The following PIGT variants were observed in gnomAD, a reference collection of about 807,000 sequenced individuals.
PIGT encodes the protein phosphatidylinositol glycan anchor biosynthesis class T, also known as GPI-anchor transamidase component PIGT.
PIGT carries 57 observed loss-of-function variants against 66.7 expected under a neutral mutation model. That is an observed-to-expected ratio of 0.86 (90% CI 0.69 to 1.07). The LOEUF is 1.07. PIGT is among the 50% of genes least tolerant of loss of function. The probability of loss-of-function intolerance (pLI) is 0.00; values close to 1 mark genes in which losing one functional copy is unlikely to be tolerated. For missense variants in PIGT, 725 were observed against 740.4 expected, an observed-to-expected ratio of 0.98 and a Z score of 0.24; for synonymous variants, 362 against 320.5, an observed-to-expected ratio of 1.13 and a Z score of -1.38.
At position 45,425,649 on chromosome 20, in the gene PIGT, G is replaced by T. The variant is rs566450064; in HGVS notation, c.1560G>T (p.Pro520=). 1 of 1,614,072 alleles carries T rather than the reference G, an allele frequency of 6.2e-7. No homozygotes were observed. The highest frequency in any genetic ancestry group is 1.1e-5 in the South Asian group (1 of 91,080). The change falls in exon 12 of 12, where the codon CCG becomes CCT. Residue 520 remains proline (P), a synonymous_variant. Coordinates refer to ENST00000279036, the MANE Select transcript of PIGT (RefSeq NM_015937.6). ...TEPLLVNLPT[P]DFSMPYNVIC... ...CGCTGCTGGTGAACCTGCCGACACC[G>T]GACTTCAGCATGCCCTACAACGTGA...
Position 45,425,972 on chromosome 20 carries a change from T to A in PIGT, c.*146T>A. 1 of 850,176 alleles carries A rather than the reference T, an allele frequency of 1.2e-6. No individual in the cohort carries two copies. The highest frequency in any genetic ancestry group is 1.8e-6 in the Non-Finnish European group (1 of 563,850). 52.7% of individuals were successfully genotyped at this position (850,176 alleles called of 1,614,324 possible). On this transcript the variant is annotated 3_prime_UTR_variant, in exon 12 of 12. Transcript: ENST00000279036. ...CAGGGCCTACAGCTGTGTTGTCCAGTACAGGAGCCACGAGCCAAATGTGGC... is the reference window on the plus strand; with the variant it reads ...CAGGGCCTACAGCTGTGTTGTCCAGAACAGGAGCCACGAGCCAAATGTGGC...
intron 8 of PIGT, 157 bp downstream of exon 8, chr20:45,420,850 G>C (rs1035622411): frequency 4.1e-6 from 3 of 736,240 alleles, no homozygotes; most frequent in Non-Finnish European, 4.5e-6. Context: ...TACGATTTTG[G>C]GTAGGTTCCT....
rs1990356040 is a variant in PIGT, at chr20:45,421,408, T to C, written c.1059T>C (p.His353=). The C allele has an allele frequency of 6.2e-7, 1 of 1,613,934 alleles. No homozygotes were observed. The highest frequency in any genetic ancestry group is 1.3e-5 in the African/African-American group (1 of 74,928). ...ENEAPPVPFL[H]AQRYVSGYGL... ...AGGCCCCCCCAGTGCCCTTCCTGCA[T>C]GCCCAGCGGTACGTGAGTGGCTATG... Residue 353 remains histidine (H), a synonymous_variant, in exon 9 of 12, where the codon CAT becomes CAC. Transcript: ENST00000279036.
rs368805031 is a variant in PIGT, at chr20:45,424,345, A to C, written c.1364A>C (p.Glu455Ala). The change falls in exon 10 of 12, where the codon GAG (glutamate) becomes GCG (alanine). Residue 455 changes from glutamate (E) to alanine (A), a missense_variant. Glu to Ala is a moderately radical substitution (Grantham distance 107, BLOSUM62 -1). This residue lies in a region of PIGT where 162 missense variants were observed against 171.1 expected (regional missense o/e 0.95). Transcript: ENST00000279036. ...GAGCGGGCGCTGCTGAAGTGGACCG[A>C]GTACACGCCAGATCCTAACCATGGC... Reference protein sequence around the residue: ...QFERALLKWTEYTPDPNHGFY... With the variant: ...QFERALLKWTAYTPDPNHGFY... The C allele has an allele frequency of 3.7e-6, 6 of 1,614,178 alleles. No homozygotes were observed. The highest frequency in any genetic ancestry group is 4.2e-6 in the Non-Finnish European group (5 of 1,180,028).
At position 45,416,323 on chromosome 20, in the gene PIGT, C is replaced by G. The variant is rs745993015; in HGVS notation, c.167C>G (p.Ser56Trp). 6.3e-7 allele frequency: 1 copy of G among 1,591,108 alleles called. No individual in the cohort carries two copies. The highest frequency in any genetic ancestry group is 8.6e-7 in the Non-Finnish European group (1 of 1,166,584). The change falls in exon 1 of 12, where the codon TCG becomes TGG. Residue 56 changes from serine (S) to tryptophan (W), a missense_variant. By Grantham distance (177) the Ser-to-Trp change is radical (BLOSUM62 -3). Around this residue, in one of 3 missense-constraint regions of PIGT, gnomAD observed 559 missense variants for 552.7 expected, o/e 1.01. Coordinates refer to ENST00000279036, the MANE Select transcript of PIGT (RefSeq NM_015937.6). ...ATFQFRTRWD[S>W]ELQREGVSHY... Reference sequence around the variant, plus strand: ...TTCCAGTTCCGCACGCGCTGGGATTCGGAGCTTCAGCGGGAAGGAGGTGAG... The same window carrying G: ...TTCCAGTTCCGCACGCGCTGGGATTGGGAGCTTCAGCGGGAAGGAGGTGAG...
Position 45,425,758 on chromosome 20 carries a change from C to A in PIGT, c.1669C>A (p.Arg557Ser). 1 of 1,614,058 alleles carries A rather than the reference C, an allele frequency of 6.2e-7. No individual in the cohort carries two copies. Among genetic ancestry groups the A allele is most frequent in the South Asian group, 1.1e-5 (1 of 91,082 alleles). ...CCGAACCTTCCACATCGAGGAGCCCCGCACAGGTGGCCTGGCCAAGCGGCT... is the reference window on the plus strand; with the variant it reads ...CCGAACCTTCCACATCGAGGAGCCCAGCACAGGTGGCCTGGCCAAGCGGCT... ...LTRTFHIEEP[R>S]TGGLAKRLAN... Residue 557 changes from arginine (R) to serine (S), a missense_variant, in exon 12 of 12, where the codon CGC (arginine) becomes AGC (serine). This residue lies in a region of PIGT where 162 missense variants were observed against 171.1 expected (regional missense o/e 0.95). Coordinates refer to ENST00000279036, the MANE Select transcript of PIGT (RefSeq NM_015937.6).
chr20:45,416,562 C>T lies in PIGT; in HGVS notation c.233C>T (p.Ser78Phe). ...LFPKALGQLI[S>F]KYSLRELHLS... ...CCCAAAGCCCTGGGGCAGCTGATCT[C>T]CAAGTATTCTCTACGGGAGCTGCAC... The change falls in exon 2 of 12, where the codon TCC becomes TTC. Residue 78 changes from serine to phenylalanine, a missense_variant. Ser to Phe is a radical substitution (Grantham distance 155). Transcript: ENST00000279036. The T allele has an allele frequency of 6.2e-7, 1 of 1,614,202 alleles. No individual in the cohort carries two copies. Among genetic ancestry groups the T allele is most frequent in the Non-Finnish European group, 8.5e-7 (1 of 1,180,022 alleles).
At chr20:45,421,140 T>C (rs187415924) in intron 8 of PIGT, 9 of 562,160 alleles carry the variant, frequency 1.6e-5, no homozygotes, top group South Asian at 9.0e-5. Flanking sequence ...AGGACCTGGA[T>C]TGGGTTCGAA....
chr20:45,419,485 C>T lies in PIGT; in HGVS notation c.595-19C>T. 1 of 1,614,042 alleles carries T rather than the reference C, an allele frequency of 6.2e-7. No individual in the cohort carries two copies. The highest frequency in any genetic ancestry group is 8.5e-7 in the Non-Finnish European group (1 of 1,179,878). Reference sequence around the variant, plus strand: ...GTGCTCCATACAGGGCTTCTCTTATCTCTTTCCATCTCCTCCAGGCAGGCC... The same window carrying T: ...GTGCTCCATACAGGGCTTCTCTTATTTCTTTCCATCTCCTCCAGGCAGGCC... On this transcript the variant is annotated intron_variant, in intron 4 of 11. Transcript: ENST00000279036.
intron 2 of PIGT, 129 bp downstream of exon 2, chr20:45,416,823 A>C: frequency 1.3e-6 from 1 of 790,358 alleles, no homozygotes; most frequent in South Asian, 2.2e-5. Context: ...TAGAGCTGGC[A>C]TTGGAAGTAA....
At chr20:45,423,840 T>G (rs981842660) in intron 9 of PIGT, 29 of 247,316 alleles carry the variant, frequency 1.2e-4, no homozygotes, top group Non-Finnish European at 1.9e-4. Flanking sequence ...TGTGTGTTGG[T>G]GGTTAGATTT....
chr20:45,419,622 C>A, intron 5 of PIGT, 32 bp downstream of exon 5: 3 of 1,469,916 alleles, frequency 2.0e-6, no homozygotes, highest in Non-Finnish European at 2.9e-6. Flanking sequence ...AAGCTGCCAT[C>A]CAGGGGCTCA....
chr20:45,420,428 A>G lies in PIGT; in HGVS notation c.866A>G (p.Gln289Arg), dbSNP rs756126000. Residue 289 changes from glutamine to arginine, a missense_variant and splice_region_variant, in exon 7 of 12, where the codon CAG becomes CGG. Transcript: ENST00000279036. ...TATGTGGACATCACCACCTACAACCAGGTAACAAGGTCTCCAGCCACACAC... is the reference window on the plus strand; with the variant it reads ...TATGTGGACATCACCACCTACAACCGGGTAACAAGGTCTCCAGCCACACAC... The part of the protein sequence containing the change: ...RVYVDITTYN[Q>R]DNETLEVHPP... The G allele has an allele frequency of 1.2e-6, 2 of 1,612,830 alleles. No individual in the cohort carries two copies. The highest frequency in any genetic ancestry group is 2.2e-5 in the East Asian group (1 of 44,806).
At chr20:45,421,884 T>C (rs1027824608) in intron 9 of PIGT, 1 of 339,180 alleles carries the variant, frequency 2.9e-6, no homozygotes, top group Non-Finnish European at 5.5e-6. Context: ...TTGGGTTTTG[T>C]GATGATTCAT....
At chr20:45,424,118 A>T in intron 9 of PIGT, 98 bp from the exon 10 acceptor site, 2 of 1,115,888 alleles carry the variant, frequency 1.8e-6, no homozygotes, top group Non-Finnish European at 2.7e-6. Flanking sequence ...CCCATCTTCT[A>T]GGCACCCAGA....
Position 45,424,348 on chromosome 20 carries a change from A to G in PIGT, c.1367A>G (p.Tyr456Cys), listed in dbSNP as rs1353674474. 1 of 1,614,192 alleles carries G rather than the reference A, an allele frequency of 6.2e-7. No homozygotes were observed. Among genetic ancestry groups the G allele is most frequent in the East Asian group, 2.2e-5 (1 of 44,882 alleles). ...FERALLKWTE[Y>C]TPDPNHGFYV... ...CGGGCGCTGCTGAAGTGGACCGAGT[A>G]CACGCCAGATCCTAACCATGGCTTC... Residue 456 changes from tyrosine to cysteine, a missense_variant, in exon 10 of 12, where the codon TAC becomes TGC. Physicochemically the swap from Tyr to Cys is radical, Grantham distance 194. Coordinates refer to ENST00000279036, the MANE Select transcript of PIGT (RefSeq NM_015937.6).
Position 45,425,806 on chromosome 20 carries a change from C to T in PIGT, c.1717C>T (p.Arg573Ter), listed in dbSNP as rs774183841. ...GCTGGCCAACCTTATCCGGCGCGCC[C>T]GAGGTGTCCCCCCACTCTGATTCTT... ...KRLANLIRRA[R>*]GVPPL The change falls in exon 12 of 12, where the codon CGA (arginine) becomes TGA (stop). Residue 573 changes from arginine to a stop codon, truncating the protein, a stop_gained. Coordinates refer to ENST00000279036, the MANE Select transcript of PIGT (RefSeq NM_015937.6). LOFTEE classifies it high-confidence loss of function. 2.0e-5 allele frequency: 33 copies of T among 1,613,616 alleles called. No individual in the cohort carries two copies. Among genetic ancestry groups the T allele is most frequent in the Middle Eastern group, 1.7e-4 (1 of 6,032 alleles).
At position 45,419,118 on chromosome 20, in the gene PIGT, C is replaced by G. The variant is rs990484247; in HGVS notation, c.493+139C>G. Reference sequence around the variant, plus strand: ...GTGTGTGCAGGCCCCCAATACTGTGCCATCTCTGCATGCCTTTTCCCAAGG... The same window carrying G: ...GTGTGTGCAGGCCCCCAATACTGTGGCATCTCTGCATGCCTTTTCCCAAGG... On this transcript the variant is annotated intron_variant, in intron 3 of 11. Transcript: ENST00000279036. 8.5e-6 allele frequency: 10 copies of G among 1,173,338 alleles called. No individual in the cohort carries two copies. In the African/African-American group the frequency reaches 1.4e-4, roughly 16 times the overall value. The allele number at this position is 1,173,338 out of a possible 1,614,324, so 72.7% of individuals were successfully genotyped here.
chr20:45,425,739 C>G lies in PIGT; in HGVS notation c.1650C>G (p.Thr550=). 6.2e-7 allele frequency: 1 copy of G among 1,614,132 alleles called. No individual in the cohort carries two copies. Among genetic ancestry groups the G allele is most frequent in the Non-Finnish European group, 8.5e-7 (1 of 1,179,970 alleles). The change falls in exon 12 of 12, where the codon ACC becomes ACG. Residue 550 remains threonine, a synonymous_variant. Transcript: ENST00000279036. The part of the protein sequence containing the change: ...YGSFYNLLTR[T]FHIEEPRTGG... ...CCTTCTACAATCTCCTCACCCGAAC[C>G]TTCCACATCGAGGAGCCCCGCACAG... is the stretch of plus-strand genomic sequence containing the variant.
Sources: gnomAD v4.1 joint callset for allele counts on GRCh38, gnomAD v4.1.1 for gene constraint, gnomAD v4.1.1 regional missense constraint, MANE v1.5 for transcripts, NCBI Gene and HGNC (gene_info 2026-07-23, HGNC 2026-07-21) for gene names.